EHMT1: variants seen among roughly 807,000 people sequenced by gnomAD.
EHMT1 encodes histone-lysine N-methyltransferase EHMT1.
Under a neutral mutation model 147.2 loss-of-function variants are expected in EHMT1, and 15 were observed. The observed-to-expected ratio is 0.10, with a 90% CI of 0.07 to 0.16. The LOEUF is 0.16. Ranked by LOEUF, EHMT1 falls within the 10% of genes least tolerant of loss-of-function variation. The pLI is 1.00. For missense variants in EHMT1, 1,587 were observed against 1,772.4 expected, an observed-to-expected ratio of 0.90 and a Z score of 1.88; for synonymous variants, 795 against 709.6, an observed-to-expected ratio of 1.12 and a Z score of -1.91.
Position 137,716,935 on chromosome 9 carries a change from T to G in EHMT1, c.395T>G (p.Leu132Arg), listed in dbSNP as rs1195396334. The change falls in exon 3 of 27, where the codon CTA (leucine) becomes CGA (arginine). Residue 132 changes from leucine to arginine, a missense_variant. Transcript: ENST00000460843. ...SNGYILNKPA[L>R]QAQPLRTTST... ...GGATACATCTTAAATAAGCCGGCCC[T>G]ACAGGCACAGCCCTTGAGGACTACC... The G allele has an allele frequency of 1.2e-6, 2 of 1,612,922 alleles. No individual in the cohort carries two copies. The highest frequency in any genetic ancestry group is 1.7e-6 in the Non-Finnish European group (2 of 1,179,844).
rs1457636214 is a variant in EHMT1 at position 137,716,732 on chromosome 9, C to T, written c.192C>T (p.Ser64=). ...GGTCTTGTGAAAACAGCGATGCCAG[C>T]AGTCATGCAAATGCTGCAAAGCACA... ...TNGSCENSDA[S]SHANAAKHTQ... The change falls in exon 3 of 27, where the codon AGC becomes AGT. Residue 64 remains serine (S), a synonymous_variant. Coordinates refer to ENST00000460843, the MANE Select transcript of EHMT1 (RefSeq NM_024757.5). 2.5e-6 allele frequency: 4 copies of T among 1,612,284 alleles called. No individual in the cohort carries two copies. The highest frequency in any genetic ancestry group is 1.7e-5 in the Admixed American group (1 of 59,946).
chr9:137,813,205 A>C lies in EHMT1; in HGVS notation c.3035+32A>C. On this transcript the variant is annotated intron_variant, in intron 20 of 26. Transcript: ENST00000460843. This position sits in a 1 kb window ranked among gnomAD's most constrained non-coding sequence, Gnocchi z 4.9. ...CCAGCCCCAGGACGGCTTTGTGGCA[A>C]ATCAGCGGTCAGCAGGGCTTTGGGA... 6.2e-7 allele frequency: 1 copy of C among 1,603,046 alleles called. No individual in the cohort carries two copies. The highest frequency in any genetic ancestry group is 8.5e-7 in the Non-Finnish European group (1 of 1,179,278).
At chr9:137,793,953 AT>A (rs1276449488) in intron 16 of EHMT1, among the ~76,000 whole-genome samples, 1 of 152,182 alleles carries the variant, frequency 6.6e-6, no homozygotes, top group Admixed American at 6.5e-5. Context: ...AATAGTGGTG[AT>A]TGTGAATGTG....
chr9:137,755,529 C>T (rs915764646), intron 8 of EHMT1, among the ~76,000 whole-genome samples: 5 of 152,172 alleles, frequency 3.3e-5, no homozygotes, highest in South Asian at 4.1e-4. Context: ...ATTAAGTGGC[C>T]GTGAACATTT....
At chr9:137,753,990 A>G (rs1199545161) in intron 7 of EHMT1, among the ~76,000 whole-genome samples, 181 bp from the exon 8 acceptor site, 1 of 152,224 alleles carries the variant, frequency 6.6e-6, no homozygotes, top group Non-Finnish European at 1.5e-5. Flanking sequence ...AGAGTTAGGG[A>G]AAAGCGCAGG....
intron 1 of EHMT1, among the ~76,000 whole-genome samples, chr9:137,689,080 C>T (rs1019920307): frequency 1.3e-5 from 2 of 152,184 alleles, no homozygotes; most frequent in African/African-American, 4.8e-5. Context: ...GTTCTCCATC[C>T]CCCAGGAGTG....
At chr9:137,833,551 C>T (rs999659884) in intron 25 of EHMT1, among the ~76,000 whole-genome samples, 2 of 152,248 alleles carry the variant, frequency 1.3e-5, no homozygotes, top group Admixed American at 6.5e-5. Context: ...GCTCCAAGCC[C>T]TGGGTCTCCA....
At chr9:137,829,571 T>C (rs1473423705) in intron 25 of EHMT1, among the ~76,000 whole-genome samples, 4 of 152,234 alleles carry the variant, frequency 2.6e-5, no homozygotes, top group Non-Finnish European at 2.9e-5. Context: ...AGACTCCTAG[T>C]TTCCCCGATG....
At position 137,786,649 on chromosome 9, in the gene EHMT1, G is replaced by A. The variant is rs1951996161; in HGVS notation, c.2383-4199G>A. ...TCATCTCCCTCCAGCTCCAGTCTTGGTCGTGTGGCGTCATCTCTCCCTCCG... is the reference window on the plus strand; with the variant it reads ...TCATCTCCCTCCAGCTCCAGTCTTGATCGTGTGGCGTCATCTCTCCCTCCG... On this transcript the variant is annotated intron_variant, in intron 15 of 26. Transcript: ENST00000460843. This position sits in a 1 kb window ranked among gnomAD's most constrained non-coding sequence, Gnocchi z 4.3. 1 of 153,492 alleles carries A rather than the reference G, an allele frequency of 6.5e-6. No individual in the cohort carries two copies. Among genetic ancestry groups the A allele is most frequent in the East Asian group, 1.9e-4 (1 of 5,218 alleles). The allele number at this position is 153,492 out of a possible 1,614,324, so 9.5% of individuals were successfully genotyped here.
chr9:137,652,727 CTTT>C (rs60537357), intron 1 of EHMT1, among the ~76,000 whole-genome samples: 1 of 134,504 alleles, frequency 7.4e-6, no homozygotes, highest in African/African-American at 2.7e-5. Flanking sequence ...AGAAGTTAAA[CTTT>C]TTTTTTTTTT....
rs768651752 is a variant in EHMT1, at chr9:137,716,720, C to T, written c.180C>T (p.Asn60=). ...GTGAGACCAATGGGTCTTGTGAAAA[C>T]AGCGATGCCAGCAGTCATGCAAATG... ...ADGETNGSCE[N]SDASSHANAA... is the part of the protein sequence containing the mutation. Residue 60 remains asparagine, a synonymous_variant, in exon 3 of 27, where the codon AAC becomes AAT. Coordinates refer to ENST00000460843, the MANE Select transcript of EHMT1 (RefSeq NM_024757.5). 1.9e-6 allele frequency: 3 copies of T among 1,611,848 alleles called. No individual in the cohort carries two copies. The highest frequency in any genetic ancestry group is 2.5e-6 in the Non-Finnish European group (3 of 1,178,998).
intron 18 of EHMT1, among the ~76,000 whole-genome samples, chr9:137,805,120 T>C (rs1325426928): frequency 6.6e-6 from 1 of 151,586 alleles, no homozygotes; most frequent in Non-Finnish European, 1.5e-5. Context: ...GTCATCTGCA[T>C]GTGTGTGTCT....
chr9:137,690,601 G>C (rs1254008131), intron 1 of EHMT1, among the ~76,000 whole-genome samples: 1 of 151,350 alleles, frequency 6.6e-6, no homozygotes, highest in East Asian at 1.9e-4. Flanking sequence ...ACAGAGTCTT[G>C]CTGTGTCGCC....
At chr9:137,644,656 G>A (rs909117705) in intron 1 of EHMT1, among the ~76,000 whole-genome samples, 2 of 152,060 alleles carry the variant, frequency 1.3e-5, no homozygotes, top group African/African-American at 4.8e-5. Flanking sequence ...TATGAGTTAT[G>A]TATCTAAAAG....
At position 137,800,969 on chromosome 9, in the gene EHMT1, C is replaced by A; in HGVS notation, c.2697C>A (p.Ile899=). The change falls in exon 18 of 27, where the codon ATC becomes ATA. Residue 899 remains isoleucine (I), a synonymous_variant. Coordinates refer to ENST00000460843, the MANE Select transcript of EHMT1 (RefSeq NM_024757.5). ...VKLLLSKGSD[I]NIRDNEENIC... is the part of the protein sequence containing the mutation. ...TGCTGCTGTCCAAGGGCTCTGACAT[C>A]AACATCCGAGACAACGTAAGTTCGT... The A allele has an allele frequency of 6.2e-7, 1 of 1,614,138 alleles. No homozygotes were observed. Among genetic ancestry groups the A allele is most frequent in the South Asian group, 1.1e-5 (1 of 91,058 alleles).
intron 6 of EHMT1, among the ~76,000 whole-genome samples, chr9:137,750,913 G>T (rs1342514840): frequency 6.6e-6 from 1 of 152,212 alleles, no homozygotes; most frequent in Non-Finnish European, 1.5e-5. Flanking sequence ...AATAACTATG[G>T]TTGGGCCAGT....
chr9:137,671,102 C>T (rs56775362), intron 1 of EHMT1, among the ~76,000 whole-genome samples: 1 of 152,322 alleles, frequency 6.6e-6, no homozygotes, highest in East Asian at 1.9e-4. Flanking sequence ...GTGTGCTTGA[C>T]TTACAGATTA....
intron 4 of EHMT1, chr9:137,742,920 C>G (rs1462494759): frequency 4.0e-6 from 1 of 248,316 alleles, no homozygotes; most frequent in Non-Finnish European, 7.9e-6. Flanking sequence ...GGAAGGGAGG[C>G]TGGGCTCTTC....
chr9:137,767,037 G>A (rs1950264674), intron 10 of EHMT1, among the ~76,000 whole-genome samples: 1 of 152,130 alleles, frequency 6.6e-6, no homozygotes, highest in African/African-American at 2.4e-5. Context: ...TCCCCAGGCT[G>A]GTCTCGAACT....
Sources: allele counts gnomAD v4.1 joint callset (sites outside exome capture counted in the v4.1 genomes callset), GRCh38; gene constraint gnomAD v4.1.1; non-coding constraint Gnocchi (gnomAD v3.1); transcripts MANE v1.5; gene names NCBI Gene and HGNC (gene_info 2026-07-23, HGNC 2026-07-21).